Variants in ADCK1 observed in about 807,000 individuals in gnomAD.
The protein encoded by ADCK1 is aarF domain containing kinase 1.
A neutral mutation model predicts 52.3 loss-of-function variants in ADCK1; 41 were observed. The ratio of observed to expected loss-of-function variants is 0.78; its 90% CI spans 0.61 to 1.02. ADCK1 has a LOEUF of 1.02. Among genes scored for constraint, ADCK1 ranks in the 50% least tolerant of loss-of-function variants. The pLI, the probability that ADCK1 is intolerant of heterozygous loss-of-function variation, is 0.00. For synonymous variants in ADCK1, 250 were observed against 274.6 expected, an observed-to-expected ratio of 0.91 and a Z score of 0.89; for missense variants, 658 against 679.5, an observed-to-expected ratio of 0.97 and a Z score of 0.35.
At chr14:77,927,462 T>C (rs1218850843) in intron 9 of ADCK1, among the ~76,000 whole-genome samples, 2 of 152,232 alleles carry the variant, frequency 1.3e-5, no homozygotes, top group Non-Finnish European at 2.9e-5. Flanking sequence ...TTTGTTTTTG[T>C]TGGGCTGTGG....
At chr14:77,837,668 G>A (rs774818436) in intron 3 of ADCK1, among the ~76,000 whole-genome samples, 13 of 152,182 alleles carry the variant, frequency 8.5e-5, no homozygotes, top group Non-Finnish European at 1.6e-4. Flanking sequence ...GTTCCTCCAG[G>A]CCAGTGGTCC....
intron 7 of ADCK1, chr14:77,914,316 T>G (rs1160261350): frequency 2.8e-6 from 2 of 717,894 alleles, no homozygotes; most frequent in African/African-American, 3.9e-5. Context: ...ACTTTTAGAG[T>G]CACTTTAGTG....
intron 3 of ADCK1, among the ~76,000 whole-genome samples, chr14:77,825,856 C>T (rs1045920974): frequency 3.3e-5 from 5 of 152,240 alleles, no homozygotes; most frequent in Non-Finnish European, 7.4e-5. Context: ...CACTGCGCTT[C>T]CCTGCCCCTC....
intron 4 of ADCK1, among the ~76,000 whole-genome samples, 158 bp from the exon 5 acceptor site, chr14:77,886,932 AC>A (rs2083163088): frequency 1.4e-5 from 2 of 145,972 alleles, no homozygotes; most frequent in African/African-American, 5.1e-5. Context: ...ACACACACAC[AC>A]ACACACACGC....
At chr14:77,820,121 C>A (rs1177057610) in intron 2 of ADCK1, among the ~76,000 whole-genome samples, 12 of 152,066 alleles carry the variant, frequency 7.9e-5, no homozygotes, top group African/African-American at 2.9e-4. Flanking sequence ...CCCACCTAGA[C>A]CCAGCTACGA....
Position 77,931,726 on chromosome 14 carries a change from CT to C in ADCK1, c.1400+16del, listed in dbSNP as rs763719324. ...GCGCTAGCTGAGTGAGTGTGGGCTC[CT>C]CCCTCTCCTCCCCTCCTAGCCCCCT... On this transcript the variant is annotated intron_variant, in intron 10 of 10. Transcript: ENST00000238561. 26 of 1,594,952 alleles carry C rather than the reference CT, an allele frequency of 1.6e-5. No homozygotes were observed. Among genetic ancestry groups the C allele is most frequent in the Middle Eastern group, 3.3e-4 (2 of 6,028 alleles).
chr14:77,804,940 C>T (rs1164084750), intron 1 of ADCK1, among the ~76,000 whole-genome samples: 1 of 152,126 alleles, frequency 6.6e-6, no homozygotes, highest in Non-Finnish European at 1.5e-5. Flanking sequence ...GGCACGGTGG[C>T]TCACGCTTGT....
intron 3 of ADCK1, among the ~76,000 whole-genome samples, chr14:77,856,144 A>T (rs549096737): frequency 6.6e-6 from 1 of 152,316 alleles, no homozygotes; most frequent in African/African-American, 2.4e-5. Flanking sequence ...CGGAAAGCAG[A>T]GGCTACAGTG....
chr14:77,879,281 T>C (rs1232250391), intron 4 of ADCK1, among the ~76,000 whole-genome samples: 1 of 152,186 alleles, frequency 6.6e-6, no homozygotes, highest in African/African-American at 2.4e-5. Flanking sequence ...AAAGCAGATG[T>C]CTATAGTCTA....
chr14:77,905,183 T>C (rs1337795078), intron 6 of ADCK1, among the ~76,000 whole-genome samples: 1 of 151,792 alleles, frequency 6.6e-6, no homozygotes, highest in Non-Finnish European at 1.5e-5. Context: ...ACTGGAATGG[T>C]GATGTTTGCA....
chr14:77,853,352 T>C (rs1051952185), intron 3 of ADCK1, among the ~76,000 whole-genome samples: 7 of 150,770 alleles, frequency 4.6e-5, no homozygotes, highest in South Asian at 2.1e-4. Flanking sequence ...ACTCCTGAGC[T>C]CAGGTGATCT....
chr14:77,905,303 G>GTTTTTTT lies in ADCK1; in HGVS notation c.742-2500_742-2499insTTTTTTT, dbSNP rs1566722295. ...TTCCACCTGTGACTCTTTCCTAGCTGGTTTTTTTTTTTTTTTTTTTTGAGA... is the reference window on the plus strand; with the variant it reads ...TTCCACCTGTGACTCTTTCCTAGCTGTTTTTTTGTTTTTTTTTTTTTTTTTTTTGAGA... On this transcript the variant is annotated intron_variant, in intron 6 of 10. Coordinates refer to ENST00000238561, the MANE Select transcript of ADCK1 (RefSeq NM_020421.4). 4.6e-5 allele frequency among the ~76,000 whole-genome samples: 3 copies of GTTTTTTT among 65,370 alleles called. No homozygotes were observed. The South Asian group carries it at 1.2e-3, about 26-fold the overall frequency. The allele number at this position is 65,370 out of a possible 152,430, so 42.9% of individuals were successfully genotyped here. A position where few individuals can be genotyped will look rare whatever the true frequency, so the allele number is the denominator to read the frequency against.
chr14:77,892,263 T>C (rs1331910875), intron 5 of ADCK1, among the ~76,000 whole-genome samples: 1 of 152,152 alleles, frequency 6.6e-6, no homozygotes, highest in Non-Finnish European at 1.5e-5. Context: ...CCCAAACTCA[T>C]AACTACTGTG....
intron 4 of ADCK1, 127 bp from the exon 5 acceptor site, chr14:77,886,964 C>T: frequency 9.6e-7 from 1 of 1,037,688 alleles, no homozygotes; most frequent in Non-Finnish European, 1.4e-6. Flanking sequence ...CACACACTCT[C>T]TCTCTCTTTC....
chr14:77,889,953 G>C lies in ADCK1; in HGVS notation c.582+2704G>C, dbSNP rs116052328. Among the ~76,000 whole-genome samples, 691 of 151,892 alleles carry C rather than the reference G, an allele frequency of 4.5e-3. 7 individuals are homozygous for C. The highest frequency in any genetic ancestry group is 0.016 in the African/African-American group (645 of 41,446). On this transcript the variant is annotated intron_variant, in intron 5 of 10. Transcript: ENST00000238561. ...GGAAAAAAAACTGTGCAAAACATTG[G>C]GGGGTGAGCCCAAGAGGATAAGTTC... is the stretch of plus-strand genomic sequence containing the variant.
chr14:77,852,363 C>T (rs1239050090), intron 3 of ADCK1, among the ~76,000 whole-genome samples: 1 of 151,962 alleles, frequency 6.6e-6, no homozygotes, highest in South Asian at 2.1e-4. Context: ...TCTGCAAGAA[C>T]TTTTATACCT....
intron 3 of ADCK1, among the ~76,000 whole-genome samples, chr14:77,832,501 C>T (rs751421562): frequency 1.4e-4 from 22 of 152,320 alleles, no homozygotes; most frequent in African/African-American, 4.1e-4. Flanking sequence ...CTGCTGGAGT[C>T]GCTCCTCCTG....
At chr14:77,900,351 C>T (rs1018806867) in intron 6 of ADCK1, among the ~76,000 whole-genome samples, 3 of 151,844 alleles carry the variant, frequency 2.0e-5, no homozygotes, top group South Asian at 2.1e-4. Context: ...CTTTGGGAGG[C>T]GGAGGTGGGC....
rs1555351628 is a variant in ADCK1 at position 77,852,671 on chromosome 14, A to ATATTTATATATATATATATAT, written c.220-6402_220-6401insTTATATATATATATATATTAT. Among the ~76,000 whole-genome samples the ATATTTATATATATATATATAT allele has an allele frequency of 2.8e-4, 3 of 10,804 alleles. No homozygotes were observed. The East Asian group carries it at 0.011, about 39-fold the overall frequency. The allele number at this position is 10,804 out of a possible 152,430, so 7.1% of individuals were successfully genotyped here. ...TCTTTAAATAAATAAATATATATAT[A>ATATTTATATATATATATATAT]TATATATATATATATATATATATAT... On this transcript the variant is annotated intron_variant, in intron 3 of 10. Transcript: ENST00000238561.
Sources: allele counts gnomAD v4.1 joint callset (sites outside exome capture counted in the v4.1 genomes callset), GRCh38; gene constraint gnomAD v4.1.1; transcripts MANE v1.5; gene names NCBI Gene and HGNC (gene_info 2026-07-23, HGNC 2026-07-21).